RAB17: variants seen among roughly 807,000 people sequenced by gnomAD.
RAB17 encodes the protein ras-related protein Rab-17.
In RAB17, 15 loss-of-function variants were observed where a neutral mutation model predicts 19.3. That is an observed-to-expected ratio of 0.78 (90% CI 0.52 to 1.20). The LOEUF (loss-of-function observed/expected upper bound fraction) is 1.20. Ranked by LOEUF, RAB17 falls within the 50% of genes most tolerant of loss-of-function variation. The probability of loss-of-function intolerance (pLI) is 0.00; values close to 1 mark genes in which losing one functional copy is unlikely to be tolerated. For synonymous variants in RAB17, 110 were observed against 112.8 expected (o/e 0.97, Z 0.16); for missense variants, 262 against 269.3 (o/e 0.97, Z 0.19).
intron 4 of RAB17, chr2:237,575,863 T>C (rs1184930412): frequency 2.5e-5 from 5 of 203,414 alleles, no homozygotes; most frequent in Admixed American, 1.6e-4. Context: ...GGCACCCACC[T>C]GGGCCCTTCT....
At chr2:237,575,230 C>T in intron 5 of RAB17, 102 bp from the exon 6 acceptor site, 1 of 1,102,298 alleles carries the variant, frequency 9.1e-7, no homozygotes, top group Non-Finnish European at 1.3e-6. Flanking sequence ...CCTGTGTTTA[C>T]CCTGAACCAT....
intron 2 of RAB17, among the ~76,000 whole-genome samples, chr2:237,583,813 G>C (rs2081326921): frequency 1.3e-5 from 2 of 152,168 alleles, no homozygotes; most frequent in African/African-American, 4.8e-5. Context: ...TGGAAGAGAG[G>C]GGCTTGGAGG....
chr2:237,587,551 C>A (rs750657814), intron 1 of RAB17, among the ~76,000 whole-genome samples: 4 of 152,154 alleles, frequency 2.6e-5, no homozygotes, highest in African/African-American at 4.8e-5. Flanking sequence ...GGGAGGGAAT[C>A]AAGTTTGGAA....
At chr2:237,577,685 G>A (rs940931677) in intron 3 of RAB17, 92 of 471,290 alleles carry the variant, frequency 2.0e-4, no homozygotes, top group Middle Eastern at 1.7e-3. Flanking sequence ...AATCTCCCAC[G>A]CCTAGCTGTC....
At chr2:237,579,643 C>T (rs1439908579) in intron 2 of RAB17, 3 of 152,134 alleles carry the variant, frequency 2.0e-5, no homozygotes, top group African/African-American at 7.3e-5. Flanking sequence ...AAGACCCTCT[C>T]TCCAAATAAG....
At chr2:237,575,843 G>A in intron 4 of RAB17, 1 of 239,742 alleles carries the variant, frequency 4.2e-6, no homozygotes, top group Non-Finnish European at 8.1e-6. Context: ...GCAGAGGGAG[G>A]CCCCTGGACG....
At chr2:237,579,434 T>A (rs1303249678) in intron 2 of RAB17, 2 of 152,142 alleles carry the variant, frequency 1.3e-5, no homozygotes, top group East Asian at 3.9e-4. Flanking sequence ...GGAGAATCCA[T>A]TCCAGGCCTC....
intron 2 of RAB17, 47 bp downstream of exon 2, chr2:237,585,951 G>A: frequency 1.3e-6 from 2 of 1,525,008 alleles, no homozygotes; most frequent in South Asian, 2.6e-5. Context: ...CAGCAGCCCA[G>A]ACTTCTGCAC....
At chr2:237,576,859 A>G (rs562755220) in intron 4 of RAB17, among the ~76,000 whole-genome samples, 1 of 152,210 alleles carries the variant, frequency 6.6e-6, no homozygotes, top group Non-Finnish European at 1.5e-5. Flanking sequence ...CTGCTGAGGA[A>G]CTAGATCACT....
In RAB17 at chr2:237,574,881, T is replaced by G; in HGVS notation, c.*138A>C. 1.2e-6 allele frequency: 1 copy of G among 839,606 alleles called. No individual in the cohort carries two copies. The highest frequency in any genetic ancestry group is 1.8e-6 in the Non-Finnish European group (1 of 569,634). The allele number at this position is 839,606 out of a possible 1,614,324, so 52.0% of individuals were successfully genotyped here. A position where few individuals can be genotyped will look rare whatever the true frequency, so the allele number is the denominator to read the frequency against. On this transcript the variant is annotated 3_prime_UTR_variant, in exon 6 of 6. Coordinates refer to ENST00000264601, the MANE Select transcript of RAB17 (RefSeq NM_022449.4). ...TTCCCACTGGCTGTGGGAAGTGGTTTTCATAAAGGGGGCCAACTTCCAGGA... is the reference window on the plus strand; with the variant it reads ...TTCCCACTGGCTGTGGGAAGTGGTTGTCATAAAGGGGGCCAACTTCCAGGA...
chr2:237,574,590 G>C lies in RAB17; in HGVS notation c.*429C>G. Reference sequence around the variant, plus strand: ...TTCCTGGCACCACCACCTCCATCTGGCCTGCTCCCCAACCCCCCAGAAGCA... The same window carrying C: ...TTCCTGGCACCACCACCTCCATCTGCCCTGCTCCCCAACCCCCCAGAAGCA... On this transcript the variant is annotated 3_prime_UTR_variant, in exon 6 of 6. Coordinates refer to ENST00000264601, the MANE Select transcript of RAB17 (RefSeq NM_022449.4). The C allele has an allele frequency of 6.5e-7, 1 of 1,545,272 alleles. No individual in the cohort carries two copies. The highest frequency in any genetic ancestry group is 8.7e-7 in the Non-Finnish European group (1 of 1,144,190).
rs1574937838 is a variant in RAB17 at position 237,586,240 on chromosome 2, C to T, written c.-3-83G>A. ...CAAGCTCAACCCCGGGGCTGCTTCT[C>T]GGTCAGGAGCAGATGGCCCAATACA... On this transcript the variant is annotated intron_variant, in intron 1 of 5. Coordinates refer to ENST00000264601, the MANE Select transcript of RAB17 (RefSeq NM_022449.4). 2.5e-5 allele frequency: 36 copies of T among 1,444,454 alleles called. 1 individual carries two copies. Among genetic ancestry groups the T allele is most frequent in the South Asian group, 1.4e-4 (10 of 72,206 alleles). The allele number at this position is 1,444,454 out of a possible 1,614,324, so 89.5% of individuals were successfully genotyped here. A position where few individuals can be genotyped will look rare whatever the true frequency, so the allele number is the denominator to read the frequency against.
intron 2 of RAB17, 143 bp from the exon 3 acceptor site, chr2:237,578,298 G>C: frequency 2.6e-6 from 2 of 757,186 alleles, no homozygotes; most frequent in Non-Finnish European, 4.2e-6. Flanking sequence ...ATGGCCAGGA[G>C]GTTGAGCAAA....
rs572551566 is a variant in RAB17, at chr2:237,588,519, G to A, written c.-4+1948C>T. Among the ~76,000 whole-genome samples the A allele has an allele frequency of 2.6e-5, 4 of 152,280 alleles. No individual in the cohort carries two copies. The East Asian group carries it at 7.7e-4, about 29-fold the overall frequency. Reference sequence around the variant, plus strand: ...GTCAGCTGGGGACAGGCTCTCAGAGGTCAAGGCACGGCCCAGACTTTCCAC... The same window carrying A: ...GTCAGCTGGGGACAGGCTCTCAGAGATCAAGGCACGGCCCAGACTTTCCAC... On this transcript the variant is annotated intron_variant, in intron 1 of 5. Coordinates refer to ENST00000264601, the MANE Select transcript of RAB17 (RefSeq NM_022449.4).
intron 2 of RAB17, among the ~76,000 whole-genome samples, chr2:237,585,159 G>A (rs948211901): frequency 2.7e-5 from 4 of 150,292 alleles, no homozygotes; most frequent in Admixed American, 6.6e-5. Flanking sequence ...CCCACCTAAC[G>A]CAGGCCTGCA....
In RAB17 at chr2:237,577,517, C is replaced by T. The variant is rs548567148; in HGVS notation, c.310-135G>A. The T allele has an allele frequency of 1.8e-5, 18 of 1,024,626 alleles. No individual in the cohort carries two copies. The South Asian group carries it at 2.8e-4, about 16-fold the overall frequency. The allele number at this position is 1,024,626 out of a possible 1,614,324, so 63.5% of individuals were successfully genotyped here. A position where few individuals can be genotyped will look rare whatever the true frequency, so the allele number is the denominator to read the frequency against. ...ATCCAACTGGCCATGGGCGCACCTG[C>T]AGGGCTGCTCCGTTCCTCTGAGGAG... On this transcript the variant is annotated intron_variant, in intron 3 of 5. Coordinates refer to ENST00000264601, the MANE Select transcript of RAB17 (RefSeq NM_022449.4).
chr2:237,578,018 C>G lies in RAB17; in HGVS notation c.295G>C (p.Asp99His), dbSNP rs369387705. 8 of 1,605,982 alleles carry G rather than the reference C, an allele frequency of 5.0e-6. No homozygotes were observed. The highest frequency in any genetic ancestry group is 6.8e-6 in the Non-Finnish European group (8 of 1,173,536). ...RGANAALLVY[D>H]ITRKDSFLKA... ...GCGGGCCCTACCTTCCTGGTGATGTCGTACACCAGAAGCGCAGCGTTGGCA... is the reference window on the plus strand; with the variant it reads ...GCGGGCCCTACCTTCCTGGTGATGTGGTACACCAGAAGCGCAGCGTTGGCA... The change falls in exon 3 of 6, where the codon GAC becomes CAC. Residue 99 changes from aspartate to histidine, a missense_variant. Asp to His is a moderately conservative substitution (Grantham distance 81). Coordinates refer to ENST00000264601, the MANE Select transcript of RAB17 (RefSeq NM_022449.4).
At chr2:237,577,716 A>C in intron 3 of RAB17, 1 of 475,426 alleles carries the variant, frequency 2.1e-6, no homozygotes, top group Non-Finnish European at 3.8e-6. Context: ...CACTTTGTGC[A>C]AGAGAGTCTG....
intron 1 of RAB17, among the ~76,000 whole-genome samples, chr2:237,586,884 G>A (rs1281571073): frequency 6.6e-6 from 1 of 152,158 alleles, no homozygotes; most frequent in Non-Finnish European, 1.5e-5. Flanking sequence ...CCCCTGCAGG[G>A]TACTGTGTAA....
Sources: gnomAD v4.1 joint callset for allele counts (sites outside exome capture counted in the v4.1 genomes callset) on GRCh38, gnomAD v4.1.1 for gene constraint, MANE v1.5 for transcripts, NCBI Gene and HGNC (gene_info 2026-07-23, HGNC 2026-07-21) for gene names.